Variants in ASCC2 observed in about 807,000 individuals in gnomAD.
ASCC2 encodes ASC-1 complex subunit P100.
ASCC2 carries 42 observed loss-of-function variants against 93.5 expected under a neutral mutation model. That is an observed-to-expected ratio of 0.45 (90% CI 0.35 to 0.58). The LOEUF is 0.58. Ranked by LOEUF, ASCC2 falls within the 20% of genes least tolerant of loss-of-function variation. ASCC2 has a pLI of 0.00. For missense variants in ASCC2, 859 were observed against 977.6 expected (o/e 0.88, Z 1.62); for synonymous variants, 364 against 384.2 (o/e 0.95, Z 0.62).
Position 29,788,940 on chromosome 22 carries a change from G to A in ASCC2, c.*73C>T, listed in dbSNP as rs2068483574. 6.3e-7 allele frequency: 1 copy of A among 1,590,420 alleles called. No homozygotes were observed. The highest frequency in any genetic ancestry group is 1.3e-5 in the African/African-American group (1 of 74,250). The stretch of plus-strand genomic sequence containing the variant: ...AGTTGAACTTGGGGCCCCTAGTGAG[G>A]AGGCCCCAGGCGATGGGAGCACGGC... On this transcript the variant is annotated 3_prime_UTR_variant, in exon 20 of 20. Transcript: ENST00000307790.
intron 8 of ASCC2, among the ~76,000 whole-genome samples, chr22:29,813,132 C>T (rs1018983189): frequency 7.2e-5 from 11 of 152,236 alleles, no homozygotes; most frequent in Middle Eastern, 3.4e-3. Flanking sequence ...CCACCCGCCT[C>T]GGCCTCCCAA....
At chr22:29,832,201 A>G in intron 2 of ASCC2, 44 bp downstream of exon 2, 1 of 1,536,866 alleles carries the variant, frequency 6.5e-7, no homozygotes, top group Non-Finnish European at 9.0e-7. Flanking sequence ...TGAAATTGCA[A>G]GACTGACAAT....
intron 19 of ASCC2, among the ~76,000 whole-genome samples, chr22:29,789,742 T>C (rs753923049): frequency 6.6e-6 from 1 of 152,202 alleles, no homozygotes; most frequent in Non-Finnish European, 1.5e-5. Flanking sequence ...GCCTTCAGAA[T>C]GAAATCCAAA....
chr22:29,818,870 C>T (rs1320317085), intron 5 of ASCC2, among the ~76,000 whole-genome samples: 1 of 152,148 alleles, frequency 6.6e-6, no homozygotes, highest in Non-Finnish European at 1.5e-5. Context: ...TTCCAGCTGA[C>T]CTCACCAAGC....
At chr22:29,813,112 C>T (rs967170841) in intron 8 of ASCC2, among the ~76,000 whole-genome samples, 5 of 152,088 alleles carry the variant, frequency 3.3e-5, no homozygotes, top group Non-Finnish European at 7.4e-5. Context: ...AACTCCTGAC[C>T]TCAGGTGATC....
intron 15 of ASCC2, among the ~76,000 whole-genome samples, chr22:29,800,301 G>A (rs895435034): frequency 6.6e-6 from 1 of 152,136 alleles, no homozygotes; most frequent in African/African-American, 2.4e-5. Context: ...CCTACCAAAG[G>A]CTCAGAATTC....
rs780434944 is a variant in ASCC2, at chr22:29,792,499, C to T, written c.1956G>A (p.Val652=). 3.7e-6 allele frequency: 6 copies of T among 1,614,088 alleles called. No homozygotes were observed. In the Admixed American group the frequency reaches 8.3e-5, roughly 22 times the overall value. Residue 652 remains valine, a synonymous_variant, in exon 18 of 20, where the codon GTG becomes GTA. Coordinates refer to ENST00000307790, the MANE Select transcript of ASCC2 (RefSeq NM_032204.5). ...CATCCTCCTCCTGCCCTTCTCTAGG[C>T]ACTTTGGTTCTCAGCACCTGAGGGA... ...FTIPQVLRTK[V]PREGQEEDDD...
chr22:29,789,044 CGG>C lies in ASCC2; in HGVS notation c.2241_2242del (p.Asp747GlufsTer138), dbSNP rs2068503587. ...TGGGATCATGCCTTTGCTCCTCTTG[CGG>C]TCGGCCATGGTTCTCCGGTTGTGGT... is the stretch of plus-strand genomic sequence containing the variant. On this transcript the variant is annotated frameshift_variant, in exon 20 of 20. Coordinates refer to ENST00000307790, the MANE Select transcript of ASCC2 (RefSeq NM_032204.5). LOFTEE classifies it high-confidence loss of function. 2 of 1,614,070 alleles carry C rather than the reference CGG, an allele frequency of 1.2e-6. No homozygotes were observed. Among genetic ancestry groups the C allele is most frequent in the African/African-American group, 2.7e-5 (2 of 74,926 alleles).
intron 17 of ASCC2, 117 bp downstream of exon 17, chr22:29,793,243 C>A: frequency 7.0e-7 from 1 of 1,427,128 alleles, no homozygotes; most frequent in South Asian, 1.3e-5. Flanking sequence ...GATTAGGAGT[C>A]AGGAGGACTG....
chr22:29,830,976 A>G (rs1411563899), intron 2 of ASCC2, among the ~76,000 whole-genome samples: 2 of 152,248 alleles, frequency 1.3e-5, no homozygotes, highest in African/African-American at 4.8e-5. Flanking sequence ...GCCAGTCTCC[A>G]TCAGTGTTTC....
intron 15 of ASCC2, among the ~76,000 whole-genome samples, chr22:29,796,529 G>A (rs2058463122): frequency 6.6e-6 from 1 of 152,124 alleles, no homozygotes; most frequent in African/African-American, 2.4e-5. Flanking sequence ...CCACGGTAGG[G>A]GGTTACTTGA....
chr22:29,838,077 TG>T (rs1480936216), intron 1 of ASCC2, 100 bp downstream of exon 1: 2 of 438,424 alleles, frequency 4.6e-6, no homozygotes, highest in Admixed American at 5.1e-5. Flanking sequence ...GGCCCCGCAA[TG>T]GAGGCCAGAG....
Position 29,806,817 on chromosome 22 carries a change from G to A in ASCC2, c.996C>T (p.Leu332=). The change falls in exon 10 of 20, where the codon CTC becomes CTT. Residue 332 remains leucine (L), a synonymous_variant. Coordinates refer to ENST00000307790, the MANE Select transcript of ASCC2 (RefSeq NM_032204.5). Reference sequence around the variant, plus strand: ...CTTACCTGCTTTCTAGGATGGGAAGGAGGCAGATCTGGTTCAGGATGATGT... The same window carrying A: ...CTTACCTGCTTTCTAGGATGGGAAGAAGGCAGATCTGGTTCAGGATGATGT... ...IFHIILNQIC[L]LPILESSCDN... 1 of 1,613,300 alleles carries A rather than the reference G, an allele frequency of 6.2e-7. No homozygotes were observed. The highest frequency in any genetic ancestry group is 8.5e-7 in the Non-Finnish European group (1 of 1,179,236).
intron 14 of ASCC2, among the ~76,000 whole-genome samples, chr22:29,801,516 A>G (rs1031695395): frequency 6.6e-6 from 1 of 152,230 alleles, no homozygotes; most frequent in Non-Finnish European, 1.5e-5. Flanking sequence ...ATTGGTAAAC[A>G]TCACTTGCTC....
intron 1 of ASCC2, 34 bp downstream of exon 1, chr22:29,838,144 C>A: frequency 2.2e-6 from 1 of 461,630 alleles, no homozygotes. Context: ...GGGTCCCTTG[C>A]CCTGCATCTG....
intron 5 of ASCC2, chr22:29,816,658 A>G (rs1167908448): frequency 6.6e-6 from 1 of 152,218 alleles, no homozygotes; most frequent in Non-Finnish European, 1.5e-5. Flanking sequence ...CACACTTGCA[A>G]TTGTTCCTAT....
chr22:29,813,220 C>T (rs2060478785), intron 8 of ASCC2, among the ~76,000 whole-genome samples: 1 of 152,044 alleles, frequency 6.6e-6, no homozygotes, highest in Non-Finnish European at 1.5e-5. Flanking sequence ...CTGCCCTATC[C>T]TGGTCTTGGC....
chr22:29,808,039 C>A (rs2059881998), intron 9 of ASCC2, 72 bp downstream of exon 9: 2 of 1,506,866 alleles, frequency 1.3e-6, no homozygotes, highest in Admixed American at 1.7e-5. Flanking sequence ...GATGCTAATG[C>A]CCAGGGAAGG....
chr22:29,790,449 G>A lies in ASCC2; in HGVS notation c.2102+20C>T, dbSNP rs759917608. ...GATGGTGGGAGGGGTCCCCCCAGAAGCAGCCCCTTGAATGCTCACCCTTTC... is the reference window on the plus strand; with the variant it reads ...GATGGTGGGAGGGGTCCCCCCAGAAACAGCCCCTTGAATGCTCACCCTTTC... On this transcript the variant is annotated intron_variant, in intron 19 of 19. Transcript: ENST00000307790. 6 of 1,613,758 alleles carry A rather than the reference G, an allele frequency of 3.7e-6. No individual in the cohort carries two copies. The highest frequency in any genetic ancestry group is 5.1e-6 in the Non-Finnish European group (6 of 1,179,772).
Sources: gnomAD v4.1 joint callset for allele counts (sites outside exome capture counted in the v4.1 genomes callset) on GRCh38, gnomAD v4.1.1 for gene constraint, MANE v1.5 for transcripts, NCBI Gene and HGNC (gene_info 2026-07-23, HGNC 2026-07-21) for gene names.